Variants in MPPE1 observed in about 807,000 individuals in gnomAD.
MPPE1 encodes the protein metallophosphoesterase 1, also known as metallo phosphoesterase.
In MPPE1, 28 loss-of-function variants were observed where a neutral mutation model predicts 43.8. The ratio of observed to expected loss-of-function variants is 0.64; its 90% CI spans 0.47 to 0.88. The LOEUF is 0.88. MPPE1 is among the 40% of genes least tolerant of loss of function. The pLI is 0.00. For missense variants in MPPE1, 428 were observed against 492.2 expected (o/e 0.87, Z 1.23); for synonymous variants, 159 against 188.5 (o/e 0.84, Z 1.28).
chr18:11,885,772 C>T lies in MPPE1; in HGVS notation c.912G>A (p.Thr304=), dbSNP rs1169621562. The T allele has an allele frequency of 1.2e-5, 19 of 1,613,014 alleles. No homozygotes were observed. Among genetic ancestry groups the T allele is most frequent in the African/African-American group, 2.7e-5 (2 of 74,932 alleles). The change falls in exon 10 of 11, where the codon ACG becomes ACA. Residue 304 remains threonine (T), a synonymous_variant. Coordinates refer to ENST00000588072, the MANE Select transcript of MPPE1 (RefSeq NM_023075.6). ...LQPRLVLSGH[T]HSACEVHHGG... ...CGTGGTGCACCTCGCAGGCGCTGTG[C>T]GTGTGGCCACTGAGAACCAGGCGCG...
In MPPE1 at chr18:11,886,305, A is replaced by G. The variant is rs570160065; in HGVS notation, c.867+194T>C. ...TAGGAAACAGAAGTAGGTTTACTGGAAAAAAAAAAAGCGATTAAATGAAAA... is the reference window on the plus strand; with the variant it reads ...TAGGAAACAGAAGTAGGTTTACTGGGAAAAAAAAAAGCGATTAAATGAAAA... On this transcript the variant is annotated intron_variant, in intron 9 of 10. Transcript: ENST00000588072. This position sits in a 1 kb window ranked among gnomAD's most constrained non-coding sequence, Gnocchi z 4.1. 2.7e-4 allele frequency: 74 copies of G among 276,466 alleles called. No individual in the cohort carries two copies. The Middle Eastern group carries it at 7.8e-3, about 29-fold the overall frequency. The allele number at this position is 276,466 out of a possible 1,614,324, so 17.1% of individuals were successfully genotyped here.
chr18:11,897,451 C>T, intron 2 of MPPE1, 95 bp from the exon 3 acceptor site: 3 of 582,580 alleles, frequency 5.1e-6, no homozygotes, highest in Non-Finnish European at 9.1e-6. Context: ...ATAATCCTAT[C>T]TACATTTCCA....
At chr18:11,899,836 C>T (rs145612343) in intron 2 of MPPE1, among the ~76,000 whole-genome samples, 230 of 152,278 alleles carry the variant, frequency 1.5e-3, no homozygotes, top group African/African-American at 5.1e-3. Flanking sequence ...AGTCAAGAAC[C>T]ACCTCATTTC....
intron 2 of MPPE1, among the ~76,000 whole-genome samples, chr18:11,900,762 C>T (rs940343703): frequency 6.6e-6 from 1 of 151,814 alleles, no homozygotes; most frequent in Admixed American, 6.6e-5. Context: ...AAAAAATTAG[C>T]CAGGCGTGGT....
chr18:11,885,619 C>T, intron 10 of MPPE1, 57 bp downstream of exon 10: 1 of 1,568,786 alleles, frequency 6.4e-7, no homozygotes, highest in Non-Finnish European at 8.7e-7. Flanking sequence ...TAGTTGATTA[C>T]TGTGTTGATT....
At position 11,886,484 on chromosome 18, in the gene MPPE1, G is replaced by A. The variant is rs762764662; in HGVS notation, c.867+15C>T. 17 of 1,613,964 alleles carry A rather than the reference G, an allele frequency of 1.1e-5. No individual in the cohort carries two copies. Among genetic ancestry groups the A allele is most frequent in the Admixed American group, 8.3e-5 (5 of 59,992 alleles). On this transcript the variant is annotated intron_variant, in intron 9 of 10. Coordinates refer to ENST00000588072, the MANE Select transcript of MPPE1 (RefSeq NM_023075.6). The surrounding 1 kb of genome is among the most constrained non-coding windows in gnomAD (Gnocchi z 4.1). ...ACACTGTGACATGAATTAGCATCAC[G>A]ACACCCTGGCAAACCTTTTGTGATG...
intron 5 of MPPE1, among the ~76,000 whole-genome samples, chr18:11,889,144 G>A (rs754216652): frequency 1.3e-4 from 20 of 152,150 alleles, no homozygotes; most frequent in Non-Finnish European, 2.5e-4. Context: ...GCCATTAAAT[G>A]TACATTTCAA....
intron 3 of MPPE1, among the ~76,000 whole-genome samples, chr18:11,896,290 T>C (rs2038608600): frequency 6.6e-6 from 1 of 151,860 alleles, no homozygotes; most frequent in African/African-American, 2.4e-5. Flanking sequence ...TTAGTAGAGA[T>C]GGAGTTGCAC....
At chr18:11,889,357 C>A (rs1316823435) in intron 5 of MPPE1, 30 bp downstream of exon 5, 13 of 1,369,992 alleles carry the variant, frequency 9.5e-6, no homozygotes, top group Non-Finnish European at 1.3e-5. Context: ...CAAGAGCTCT[C>A]AGGGTGCAGG....
rs555254559 is a variant in MPPE1 at position 11,896,974 on chromosome 18, T to C, written c.281+10A>G. On this transcript the variant is annotated intron_variant, in intron 3 of 10. Coordinates refer to ENST00000588072, the MANE Select transcript of MPPE1 (RefSeq NM_023075.6). ...AGAATTTTAGAAAGATTCCTGATTT[T>C]ACCTCTTACCTTCGTAATTTGTCCA... The C allele has an allele frequency of 5.6e-6, 9 of 1,603,972 alleles. No homozygotes were observed. The East Asian group carries it at 1.8e-4, about 32-fold the overall frequency.
chr18:11,889,626 G>A lies in MPPE1; in HGVS notation c.391-136C>T, dbSNP rs368785981. On this transcript the variant is annotated intron_variant, in intron 4 of 10. Transcript: ENST00000588072. ...TCTCCAGGCTGAAGTGCAGTGGTGC[G>A]ATCTCTGCTCACTGCAACCTCCATC... 492 of 563,692 alleles carry A rather than the reference G, an allele frequency of 8.7e-4. 2 individuals carry two copies. Among genetic ancestry groups the A allele is most frequent in the African/African-American group, 8.4e-3 (438 of 51,864 alleles). The allele number at this position is 563,692 out of a possible 1,614,324, so 34.9% of individuals were successfully genotyped here. A position where few individuals can be genotyped will look rare whatever the true frequency, so the allele number is the denominator to read the frequency against.
intron 3 of MPPE1, among the ~76,000 whole-genome samples, chr18:11,894,593 A>T (rs2038385037): frequency 6.6e-6 from 1 of 151,922 alleles, no homozygotes; most frequent in Non-Finnish European, 1.5e-5. Flanking sequence ...ATTTTATTTT[A>T]TTTATTTATT....
Position 11,882,797 on chromosome 18 carries a change from T to C in MPPE1, c.*1648A>G, listed in dbSNP as rs2036736850. ...GAAGAAACATTACAAAACCTTAATC[T>C]GAAGTATAAAGTCAAAAGATACGGC... On this transcript the variant is annotated 3_prime_UTR_variant, in exon 11 of 11. Coordinates refer to ENST00000588072, the MANE Select transcript of MPPE1 (RefSeq NM_023075.6). 6.6e-6 allele frequency: 1 copy of C among 151,854 alleles called. No individual in the cohort carries two copies. Among genetic ancestry groups the C allele is most frequent in the African/African-American group, 2.4e-5 (1 of 41,326 alleles). 9.4% of individuals were successfully genotyped at this position (151,854 alleles called of 1,614,324 possible).
chr18:11,904,640 G>C (rs1375927732), intron 2 of MPPE1, among the ~76,000 whole-genome samples: 3 of 152,114 alleles, frequency 2.0e-5, no homozygotes, highest in Non-Finnish European at 2.9e-5. Context: ...TTTTTTAAAA[G>C]ATAAGAGTGG....
Position 11,886,604 on chromosome 18 carries a change from CCGATA to C in MPPE1, c.757_761del (p.Tyr253GlufsTer3). 1 of 1,614,184 alleles carries C rather than the reference CCGATA, an allele frequency of 6.2e-7. No individual in the cohort carries two copies. The highest frequency in any genetic ancestry group is 8.5e-7 in the Non-Finnish European group (1 of 1,180,042). On this transcript the variant is annotated frameshift_variant, in exon 9 of 11. Transcript: ENST00000588072. LOFTEE classifies it high-confidence loss of function. The surrounding 1 kb of genome is among the most constrained non-coding windows in gnomAD (Gnocchi z 4.1). ...CCCCAGAACAGTTAGCATCACTTCT[CCGATA>C]CAGAGGATAATGCTGTCCGGGGTGG...
chr18:11,904,476 G>A (rs376587790), intron 2 of MPPE1, among the ~76,000 whole-genome samples: 47 of 152,126 alleles, frequency 3.1e-4, no homozygotes, highest in African/African-American at 1.1e-3. Context: ...GTGCCACCAC[G>A]CCCCACCAAT....
At chr18:11,902,958 C>G (rs1724782204) in intron 2 of MPPE1, 1 of 152,366 alleles carries the variant, frequency 6.6e-6, no homozygotes, top group African/African-American at 2.4e-5. Flanking sequence ...TGAGCTCACT[C>G]AGCATGGCCT....
intron 3 of MPPE1, 65 bp downstream of exon 3, chr18:11,896,919 A>G: frequency 1.4e-6 from 2 of 1,422,498 alleles, no homozygotes; most frequent in African/African-American, 2.8e-5. Context: ...AGCCTTGCCT[A>G]TGAGGAGAGG....
chr18:11,893,281 T>G (rs931548282), intron 4 of MPPE1, 187 bp downstream of exon 4: 6 of 555,402 alleles, frequency 1.1e-5, no homozygotes, highest in Admixed American at 3.3e-5. Context: ...GATTGAGTTG[T>G]TCTAATAATC....
Sources: allele counts gnomAD v4.1 joint callset (sites outside exome capture counted in the v4.1 genomes callset), GRCh38; gene constraint gnomAD v4.1.1; non-coding constraint Gnocchi (gnomAD v3.1); transcripts MANE v1.5; gene names NCBI Gene and HGNC (gene_info 2026-07-23, HGNC 2026-07-21).